The following PTPRG variants were observed in gnomAD, a reference collection of about 807,000 sequenced individuals.
PTPRG encodes protein tyrosine phosphatase receptor type G, also known as receptor-type tyrosine-protein phosphatase gamma.
Under a neutral mutation model 165.3 loss-of-function variants are expected in PTPRG, and 102 were observed. The observed-to-expected ratio is 0.62, with a 90% confidence interval of 0.53 to 0.73. The LOEUF (loss-of-function observed/expected upper bound fraction) is 0.73, where lower values mean the gene tolerates loss of function less well. Ranked by LOEUF, PTPRG falls within the 30% of genes least tolerant of loss-of-function variation. The pLI, the probability that PTPRG is intolerant of heterozygous loss-of-function variation, is 0.00. For missense variants in PTPRG, 1,866 were observed against 1,861.4 expected, an observed-to-expected ratio of 1.00 and a Z score of -0.05; for synonymous variants, 675 against 669.5, an observed-to-expected ratio of 1.01 and a Z score of -0.13.
intron 8 of PTPRG, 116 bp downstream of exon 8, chr3:62,168,279 T>G: frequency 1.0e-6 from 1 of 1,004,464 alleles, no homozygotes; most frequent in Non-Finnish European, 1.4e-6. Flanking sequence ...TGCATATGTT[T>G]CTCTGCTAAA....
intron 2 of PTPRG, among the ~76,000 whole-genome samples, chr3:61,816,205 G>A (rs1213001609): frequency 6.6e-6 from 1 of 152,144 alleles, no homozygotes; most frequent in Non-Finnish European, 1.5e-5. Flanking sequence ...CTGTTGTTTT[G>A]TGTCTTGGCA....
chr3:61,839,183 A>G (rs908132847), intron 2 of PTPRG, among the ~76,000 whole-genome samples: 2 of 152,256 alleles, frequency 1.3e-5, no homozygotes, highest in Non-Finnish European at 2.9e-5. Context: ...GAAATTTCAC[A>G]GAAAATTACT....
intron 2 of PTPRG, among the ~76,000 whole-genome samples, chr3:61,919,842 C>T (rs1232343507): frequency 1.3e-5 from 2 of 152,194 alleles, no homozygotes; most frequent in East Asian, 3.8e-4. Flanking sequence ...CTTACCTCTG[C>T]AGCTAAGAAG....
chr3:61,734,338 G>A (rs1305252832), intron 1 of PTPRG, among the ~76,000 whole-genome samples: 4 of 152,172 alleles, frequency 2.6e-5, no homozygotes, highest in African/African-American at 9.6e-5. Flanking sequence ...GAATATGAAT[G>A]GACAGGCATG....
intron 6 of PTPRG, among the ~76,000 whole-genome samples, chr3:62,141,298 CAT>C (rs1158655839): frequency 3.3e-5 from 5 of 152,048 alleles, no homozygotes; most frequent in Admixed American, 1.3e-4. Context: ...TAGAGAAACT[CAT>C]ATATGTGTAC....
chr3:62,092,439 G>GAAAAAAAAAAAAAAAAAAAA, intron 5 of PTPRG, among the ~76,000 whole-genome samples: 1 of 89,436 alleles, frequency 1.1e-5, no homozygotes, highest in Non-Finnish European at 2.1e-5. Flanking sequence ...GAGTCCATCT[G>GAAAAAAAAAAAAAAAAAAAA]AAAAAAAAAA....
chr3:62,091,522 C>T (rs1701929660), intron 5 of PTPRG, among the ~76,000 whole-genome samples: 1 of 152,086 alleles, frequency 6.6e-6, no homozygotes, highest in Non-Finnish European at 1.5e-5. Flanking sequence ...CGTAAAAGGG[C>T]CCTATAAGAT....
rs187832317 is a variant in PTPRG, at chr3:61,943,208, C to G, written c.191-46417C>G. On this transcript the variant is annotated intron_variant, in intron 2 of 29. Transcript: ENST00000474889. Reference sequence around the variant, plus strand: ...GGGAATTGCATTAGGGGTTGGAGTTCTGGAGTTTTTGGTCTAACCACATCC... The same window carrying G: ...GGGAATTGCATTAGGGGTTGGAGTTGTGGAGTTTTTGGTCTAACCACATCC... Among the ~76,000 whole-genome samples, 217 of 152,262 alleles carry G rather than the reference C, an allele frequency of 1.4e-3. 1 individual carries two copies. Among genetic ancestry groups the G allele is most frequent in the Admixed American group, 3.4e-3 (52 of 15,290 alleles).
intron 2 of PTPRG, among the ~76,000 whole-genome samples, chr3:61,817,291 A>ATT (rs60676740): frequency 1.1e-4 from 16 of 142,240 alleles, no homozygotes; most frequent in African/African-American, 3.7e-4. Flanking sequence ...AATCACTGAA[A>ATT]TTTTTTTTTA....
intron 18 of PTPRG, 56 bp from the exon 19 acceptor site, chr3:62,267,629 G>T (rs1701923690): frequency 1.3e-6 from 2 of 1,584,044 alleles, no homozygotes; most frequent in South Asian, 1.1e-5. Context: ...TTGAATTATT[G>T]ACTGGTCTTC....
At chr3:62,143,635 C>T (rs556782072) in intron 6 of PTPRG, among the ~76,000 whole-genome samples, 6 of 151,290 alleles carry the variant, frequency 4.0e-5, no homozygotes, top group African/African-American at 7.3e-5. Flanking sequence ...AGTAATCTCA[C>T]GTTGAACCTT....
chr3:61,973,089 A>G (rs1252178876), intron 2 of PTPRG, among the ~76,000 whole-genome samples: 2 of 152,208 alleles, frequency 1.3e-5, no homozygotes, highest in Non-Finnish European at 2.9e-5. Flanking sequence ...ATTTCCCCTT[A>G]AAAAGTAGTC....
At position 62,293,368 on chromosome 3, in the gene PTPRG, C is replaced by A. The variant is rs569277010; in HGVS notation, c.*61C>A. The A allele has an allele frequency of 4.3e-6, 6 of 1,398,280 alleles. No homozygotes were observed. Among genetic ancestry groups the A allele is most frequent in the Admixed American group, 5.3e-5 (2 of 37,760 alleles). The allele number at this position is 1,398,280 out of a possible 1,614,324, so 86.6% of individuals were successfully genotyped here. On this transcript the variant is annotated 3_prime_UTR_variant, in exon 30 of 30. Transcript: ENST00000474889. ...CTGAAGACTGAGAACTTTTTTGAGG[C>A]CTTTTTTGCCAGACTCTAGGTTATA... is the stretch of plus-strand genomic sequence containing the variant.
Position 62,160,864 on chromosome 3 carries a change from ATTTTTTTTTTT to A in PTPRG, c.840+3654_840+3664del, listed in dbSNP as rs5849464. ...TACTTTGTTTACCTTTAGATGTGTG[ATTTTTTTTTTT>A]TTTTTTTTTTTTTCTGACAGTAAGC... On this transcript the variant is annotated intron_variant, in intron 7 of 29. Coordinates refer to ENST00000474889, the MANE Select transcript of PTPRG (RefSeq NM_002841.4). 1.9e-5 allele frequency among the ~76,000 whole-genome samples: 2 copies of A among 103,982 alleles called. 1 individual carries two copies. Among genetic ancestry groups the A allele is most frequent in the Admixed American group, 2.4e-4 (2 of 8,246 alleles). The allele number at this position is 103,982 out of a possible 152,430, so 68.2% of individuals were successfully genotyped here. A position where few individuals can be genotyped will look rare whatever the true frequency, so the allele number is the denominator to read the frequency against.
intron 2 of PTPRG, among the ~76,000 whole-genome samples, chr3:61,947,429 G>T (rs1390773361): frequency 6.6e-6 from 1 of 152,222 alleles, no homozygotes; most frequent in Non-Finnish European, 1.5e-5. Context: ...ATATGGGAAT[G>T]ATAAATTGAG....
chr3:61,625,998 A>C lies in PTPRG; in HGVS notation c.85+63626A>C, dbSNP rs74690118. ...TTAAATAAATAACTTTCCTGTCCCA[A>C]CAGGGTTTGTTTGTTTTTTTTTTTT... On this transcript the variant is annotated intron_variant, in intron 1 of 29. Coordinates refer to ENST00000474889, the MANE Select transcript of PTPRG (RefSeq NM_002841.4). Among the ~76,000 whole-genome samples, 6 of 145,996 alleles carry C rather than the reference A, an allele frequency of 4.1e-5. No homozygotes were observed. In the East Asian group the frequency reaches 1.2e-3, roughly 29 times the overall value.
At chr3:61,772,963 C>T (rs1455694631) in intron 2 of PTPRG, among the ~76,000 whole-genome samples, 1 of 152,104 alleles carries the variant, frequency 6.6e-6, no homozygotes, top group Non-Finnish European at 1.5e-5. Flanking sequence ...ATAATATAGA[C>T]TGAAAATAAG....
rs570090942 is a variant in PTPRG, at chr3:61,787,759, T to C, written c.190+38777T>C. ...CTTAAAAACTTCTTAAAAGGCCGAT[T>C]TATTGACTTGATGGGCTGTAAAACA... On this transcript the variant is annotated intron_variant, in intron 2 of 29. Transcript: ENST00000474889. 2.6e-5 allele frequency among the ~76,000 whole-genome samples: 4 copies of C among 152,330 alleles called. No individual in the cohort carries two copies. In the East Asian group the frequency reaches 5.8e-4, roughly 22 times the overall value.
rs538388855 is a variant in PTPRG, at chr3:61,917,111, C to G, written c.191-72514C>G. ...ATGCGTTTTGGGTCAAGGTGGCCGC[C>G]AATGCTTTTTGCGTCCCCTGCAGCT... is the stretch of plus-strand genomic sequence containing the variant. On this transcript the variant is annotated intron_variant, in intron 2 of 29. Coordinates refer to ENST00000474889, the MANE Select transcript of PTPRG (RefSeq NM_002841.4). Among the ~76,000 whole-genome samples the G allele has an allele frequency of 2.0e-5, 3 of 152,166 alleles. No homozygotes were observed. In the South Asian group the frequency reaches 6.3e-4, roughly 32 times the overall value.
Sources: gnomAD v4.1 joint callset for allele counts (sites outside exome capture counted in the v4.1 genomes callset) on GRCh38, gnomAD v4.1.1 for gene constraint, MANE v1.5 for transcripts, NCBI Gene and HGNC (gene_info 2026-07-23, HGNC 2026-07-21) for gene names.